TBC1D2: variants seen among roughly 807,000 people sequenced by gnomAD.
TBC1D2 encodes the protein TBC1 domain family member 2A.
In TBC1D2, 58 loss-of-function variants were observed where a neutral mutation model predicts 91.1. That is an observed-to-expected ratio of 0.64 (90% CI 0.52 to 0.79). The LOEUF is 0.79. Among genes scored for constraint, TBC1D2 ranks in the 30% least tolerant of loss-of-function variants. TBC1D2 has a pLI of 0.00. For synonymous variants in TBC1D2, 482 were observed against 511.5 expected (o/e 0.94, Z 0.78); for missense variants, 1,080 against 1,208.3 (o/e 0.89, Z 1.57).
chr9:98,206,297 T>C (rs1175957615), intron 9 of TBC1D2, among the ~76,000 whole-genome samples: 1 of 152,228 alleles, frequency 6.6e-6, no homozygotes, highest in Admixed American at 6.5e-5. Context: ...AATATTTACA[T>C]GAATACCAAT....
At chr9:98,220,039 T>C (rs577305704) in intron 6 of TBC1D2, among the ~76,000 whole-genome samples, 3 of 152,164 alleles carry the variant, frequency 2.0e-5, no homozygotes, top group African/African-American at 4.8e-5. Context: ...CACTGGTCCC[T>C]GTGGGGTGGG....
chr9:98,248,463 G>A (rs761308544), intron 2 of TBC1D2, among the ~76,000 whole-genome samples: 3 of 152,230 alleles, frequency 2.0e-5, no homozygotes, highest in African/African-American at 4.8e-5. Context: ...GGAAGAAGGC[G>A]CTGCCTAGAC....
chr9:98,235,244 T>C (rs578040118), intron 3 of TBC1D2: 4 of 301,808 alleles, frequency 1.3e-5, no homozygotes, highest in Middle Eastern at 4.3e-4. Context: ...ACAACCCCAA[T>C]TTCGGAGCAT....
At chr9:98,243,850 T>G (rs1471540644) in intron 3 of TBC1D2, 144 bp downstream of exon 3, 1 of 1,202,012 alleles carries the variant, frequency 8.3e-7, no homozygotes, top group Non-Finnish European at 1.1e-6. Context: ...TGTAATATTT[T>G]AAAGTGATGA....
At chr9:98,231,581 G>A (rs1829371643) in intron 4 of TBC1D2, among the ~76,000 whole-genome samples, 1 of 151,846 alleles carries the variant, frequency 6.6e-6, no homozygotes, top group African/African-American at 2.4e-5. Context: ...AGATAGACTG[G>A]GCAAAACTAT....
In TBC1D2 at chr9:98,238,837, C is replaced by T. The variant is rs1829569927; in HGVS notation, c.647+5157G>A. 1.4e-5 allele frequency among the ~76,000 whole-genome samples: 2 copies of T among 145,588 alleles called. 1 individual carries two copies. Among genetic ancestry groups the T allele is most frequent in the African/African-American group, 5.7e-5 (2 of 35,348 alleles). ...TCCTGGGTTCAAGCAATTCTCCTGC[C>T]TCAGCCTCCCAAGTAGCTGGGACTA... On this transcript the variant is annotated intron_variant, in intron 3 of 12. Coordinates refer to ENST00000465784, the MANE Select transcript of TBC1D2 (RefSeq NM_001267571.2).
intron 11 of TBC1D2, among the ~76,000 whole-genome samples, chr9:98,200,814 G>A (rs1206697541): frequency 8.5e-5 from 13 of 152,066 alleles, no homozygotes; most frequent in East Asian, 7.7e-4. Context: ...TCAGGAGTTC[G>A]AGACCAGCCT....
intron 1 of TBC1D2, among the ~76,000 whole-genome samples, chr9:98,254,000 C>T (rs1164197097): frequency 6.6e-6 from 1 of 152,088 alleles, no homozygotes; most frequent in African/African-American, 2.4e-5. Context: ...ACACATAGAC[C>T]CGGGAACCAC....
chr9:98,205,440 A>G (rs1828624521), intron 9 of TBC1D2, among the ~76,000 whole-genome samples: 1 of 152,252 alleles, frequency 6.6e-6, no homozygotes, highest in Admixed American at 6.5e-5. Context: ...TTATTTTCAT[A>G]GGTTTAAAAC....
At chr9:98,234,236 G>C (rs1313695810) in intron 3 of TBC1D2, among the ~76,000 whole-genome samples, 1 of 152,156 alleles carries the variant, frequency 6.6e-6, no homozygotes, top group African/African-American at 2.4e-5. Context: ...TAACCTACCT[G>C]CATGTTTGCT....
At chr9:98,206,502 T>C (rs1226944745) in intron 9 of TBC1D2, among the ~76,000 whole-genome samples, 5 of 152,168 alleles carry the variant, frequency 3.3e-5, no homozygotes. Flanking sequence ...GTGCCCCTCC[T>C]GCCATAGGAT....
intron 4 of TBC1D2, 103 bp downstream of exon 4, chr9:98,233,313 A>G: frequency 9.5e-6 from 14 of 1,468,388 alleles, no homozygotes; most frequent in Non-Finnish European, 1.3e-5. Flanking sequence ...ACTAAGACAC[A>G]CACAAAAGCA....
At chr9:98,233,628 G>A in intron 3 of TBC1D2, 79 bp from the exon 4 acceptor site, 1 of 1,567,984 alleles carries the variant, frequency 6.4e-7, no homozygotes, top group Non-Finnish European at 8.6e-7. Flanking sequence ...CACCACTGCT[G>A]GAGCTCAGGT....
chr9:98,220,939 T>C lies in TBC1D2; in HGVS notation c.1268A>G (p.Glu423Gly). Residue 423 changes from glutamate to glycine, a missense_variant, in exon 6 of 13, where the codon GAG becomes GGG. Coordinates refer to ENST00000465784, the MANE Select transcript of TBC1D2 (RefSeq NM_001267571.2). ...AKQQVICKLS[E>G]KVTQDFTHPP... ...GTGCGTGAAGTCCTGGGTGACCTTCTCAGAGAGCTTGCAGATGACCTGCTG... is the reference window on the plus strand; with the variant it reads ...GTGCGTGAAGTCCTGGGTGACCTTCCCAGAGAGCTTGCAGATGACCTGCTG... The C allele has an allele frequency of 6.2e-7, 1 of 1,614,160 alleles. No individual in the cohort carries two copies. Among genetic ancestry groups the C allele is most frequent in the Non-Finnish European group, 8.5e-7 (1 of 1,180,018 alleles).
At chr9:98,254,770 T>C (rs1217308874) in intron 1 of TBC1D2, among the ~76,000 whole-genome samples, 1 of 152,184 alleles carries the variant, frequency 6.6e-6, no homozygotes. Context: ...TGAGAGAGGA[T>C]TGCAAAGACC....
chr9:98,204,854 A>G (rs1828607585), intron 9 of TBC1D2, among the ~76,000 whole-genome samples: 1 of 152,238 alleles, frequency 6.6e-6, no homozygotes, highest in Admixed American at 6.5e-5. Context: ...CGTGAGATAC[A>G]CTGGCCTCTA....
chr9:98,245,195 G>A (rs565619691), intron 2 of TBC1D2, among the ~76,000 whole-genome samples: 7 of 152,206 alleles, frequency 4.6e-5, no homozygotes, highest in South Asian at 2.1e-4. Flanking sequence ...AGCCTAGATC[G>A]TGCCACTGCA....
chr9:98,244,198 G>C, intron 2 of TBC1D2, 69 bp from the exon 3 acceptor site: 1 of 1,586,938 alleles, frequency 6.3e-7, no homozygotes. Flanking sequence ...CAGGTGGGAT[G>C]CTATGGGTGC....
chr9:98,228,912 G>C lies in TBC1D2; in HGVS notation c.978+40C>G. 2.5e-6 allele frequency: 4 copies of C among 1,590,324 alleles called. No individual in the cohort carries two copies. Among genetic ancestry groups the C allele is most frequent in the African/African-American group, 1.3e-5 (1 of 74,414 alleles). On this transcript the variant is annotated intron_variant, in intron 5 of 12. Transcript: ENST00000465784. The surrounding 1 kb of genome is among the most constrained non-coding windows in gnomAD (Gnocchi z 4.0). ...CCGAAAGGCTCCAGGAACTGGAGGGGTCCACTGGAACCTGGGGCCTCCCTG... is the reference window on the plus strand; with the variant it reads ...CCGAAAGGCTCCAGGAACTGGAGGGCTCCACTGGAACCTGGGGCCTCCCTG...
Sources: gnomAD v4.1 joint callset for allele counts (sites outside exome capture counted in the v4.1 genomes callset) on GRCh38, gnomAD v4.1.1 for gene constraint, Gnocchi (gnomAD v3.1) non-coding constraint, MANE v1.5 for transcripts, NCBI Gene and HGNC (gene_info 2026-07-23, HGNC 2026-07-21) for gene names.